KLRD1: variants seen among roughly 807,000 people sequenced by gnomAD.
KLRD1 encodes the protein natural killer cells antigen CD94.
A neutral mutation model predicts 22.6 loss-of-function variants in KLRD1; 21 were observed. The ratio of observed to expected loss-of-function variants is 0.93; its 90% CI spans 0.66 to 1.34. The LOEUF is 1.34. Among genes scored for constraint, KLRD1 ranks in the 40% most tolerant of loss-of-function variants. The pLI is 0.00. For missense variants in KLRD1, 183 were observed against 208.6 expected, an observed-to-expected ratio of 0.88 and a Z score of 0.76; for synonymous variants, 59 against 71.1, an observed-to-expected ratio of 0.83 and a Z score of 0.85.
At chr12:10,287,896 T>G (rs1313281466) in intron 1 of KLRD1, among the ~76,000 whole-genome samples, 1 of 151,848 alleles carries the variant, frequency 6.6e-6, no homozygotes, top group East Asian at 1.9e-4. Flanking sequence ...GGTGAAACCC[T>G]GTCTCTACTA....
intron 5 of KLRD1, among the ~76,000 whole-genome samples, chr12:10,313,730 T>G (rs896565459): frequency 1.3e-5 from 2 of 152,142 alleles, no homozygotes; most frequent in Non-Finnish European, 2.9e-5. Flanking sequence ...TAATGCCTAA[T>G]GAAAGGAGGT....
intron 1 of KLRD1, among the ~76,000 whole-genome samples, chr12:10,255,056 T>A (rs1279506180): frequency 7.5e-6 from 1 of 132,734 alleles, no homozygotes. Context: ...CTGTCTCACA[T>A]CAGTCAGAAT....
intron 1 of KLRD1, among the ~76,000 whole-genome samples, chr12:10,263,914 G>A (rs1290569537): frequency 2.0e-5 from 3 of 151,968 alleles, no homozygotes; most frequent in Admixed American, 1.3e-4. Context: ...TCCCAAATTG[G>A]GTTATTCCGT....
chr12:10,291,256 T>C (rs1949767751), intron 1 of KLRD1, among the ~76,000 whole-genome samples: 1 of 152,156 alleles, frequency 6.6e-6, no homozygotes, highest in Non-Finnish European at 1.5e-5. Context: ...ATCAGGGTGG[T>C]GGTTGTTGAA....
chr12:10,268,612 T>C (rs2137640428), intron 1 of KLRD1, among the ~76,000 whole-genome samples: 1 of 152,360 alleles, frequency 6.6e-6, no homozygotes, highest in Middle Eastern at 3.4e-3. Flanking sequence ...CATCTGCATA[T>C]AATTTCAGTC....
At chr12:10,281,540 T>C (rs1592053761) in intron 1 of KLRD1, among the ~76,000 whole-genome samples, 2 of 152,066 alleles carry the variant, frequency 1.3e-5, no homozygotes, top group African/African-American at 4.8e-5. Context: ...TCATTGCCCA[T>C]GTCAGGAGTT....
chr12:10,243,401 G>A (rs989099277), intron 1 of KLRD1, among the ~76,000 whole-genome samples: 2 of 151,804 alleles, frequency 1.3e-5, no homozygotes, highest in Non-Finnish European at 2.9e-5. Context: ...ATCACCTGAG[G>A]TCAGGAATTC....
chr12:10,268,598 G>A (rs528316963), intron 1 of KLRD1, among the ~76,000 whole-genome samples: 14 of 152,152 alleles, frequency 9.2e-5, no homozygotes, highest in East Asian at 7.7e-4. Flanking sequence ...ATAAGAAAGC[G>A]CGTCATCTGC....
intron 1 of KLRD1, among the ~76,000 whole-genome samples, chr12:10,284,271 C>G (rs1004133878): frequency 6.6e-6 from 1 of 152,158 alleles, no homozygotes; most frequent in Non-Finnish European, 1.5e-5. Context: ...TTACCTTGTC[C>G]AATCTATACA....
intron 1 of KLRD1, among the ~76,000 whole-genome samples, chr12:10,252,564 C>G (rs529199051): frequency 1.3e-5 from 2 of 152,130 alleles, no homozygotes; most frequent in African/African-American, 4.8e-5. Flanking sequence ...GTTAGTTCTT[C>G]TTCCCTCATG....
At chr12:10,271,948 G>A (rs545928581) in intron 1 of KLRD1, among the ~76,000 whole-genome samples, 7 of 152,184 alleles carry the variant, frequency 4.6e-5, no homozygotes, top group African/African-American at 1.4e-4. Context: ...TTAAGTTAAT[G>A]TATATAAAGT....
At chr12:10,266,489 T>G (rs1238377141) in intron 1 of KLRD1, among the ~76,000 whole-genome samples, 5 of 152,126 alleles carry the variant, frequency 3.3e-5, no homozygotes, top group Non-Finnish European at 5.9e-5. Context: ...CTGTTATACT[T>G]TTGATAATAT....
In KLRD1 at chr12:10,324,818, G is replaced by GTGTATATATATATATATGTA; in HGVS notation, c.*10026_*10027insGTATATATATATATATGTAT. 1 of 74,154 alleles carries GTGTATATATATATATATGTA rather than the reference G, an allele frequency of 1.3e-5. No homozygotes were observed. The highest frequency in any genetic ancestry group is 5.8e-4 in the East Asian group (1 of 1,730). 4.6% of individuals were successfully genotyped at this position (74,154 alleles called of 1,614,324 possible). A position where few individuals can be genotyped will look rare whatever the true frequency, so the allele number is the denominator to read the frequency against. On this transcript the variant is annotated 3_prime_UTR_variant, in exon 6 of 6. Transcript: ENST00000336164. The stretch of plus-strand genomic sequence containing the variant: ...AGTATATATGTATATGTGTGTGTGT[G>GTGTATATATATATATATGTA]TATATATATATATATATATATATAT...
Position 10,328,489 on chromosome 12 carries a change from A to G in KLRD1, c.*13696A>G, listed in dbSNP as rs1216890035. 1.3e-5 allele frequency: 2 copies of G among 151,996 alleles called. No homozygotes were observed. Among genetic ancestry groups the G allele is most frequent in the Non-Finnish European group, 2.9e-5 (2 of 68,012 alleles). 9.4% of individuals were successfully genotyped at this position (151,996 alleles called of 1,614,324 possible). On this transcript the variant is annotated 3_prime_UTR_variant, in exon 6 of 6. Transcript: ENST00000336164. Reference sequence around the variant, plus strand: ...TTACCATCTTTTATATTTCTGTGGCATCAGTTGCAATGTCTTATTTCTGAT... The same window carrying G: ...TTACCATCTTTTATATTTCTGTGGCGTCAGTTGCAATGTCTTATTTCTGAT...
chr12:10,239,461 C>T lies in KLRD1; in HGVS notation c.-101+13228C>T, dbSNP rs1485478836. ...TCCTTCCTTCCTTCCTTCCTTCCTTCCTTCCTTCCTTCCTTCCTTCCTTCT... is the reference window on the plus strand; with the variant it reads ...TCCTTCCTTCCTTCCTTCCTTCCTTTCTTCCTTCCTTCCTTCCTTCCTTCT... On this transcript the variant is annotated intron_variant, in intron 1 of 5. Coordinates refer to the KLRD1 transcript ENST00000544747. Among the ~76,000 whole-genome samples, 139 of 35,672 alleles carry T rather than the reference C, an allele frequency of 3.9e-3. 6 individuals carry two copies. Among genetic ancestry groups the T allele is most frequent in the East Asian group, 0.015 (18 of 1,200 alleles). 23.4% of individuals were successfully genotyped at this position (35,672 alleles called of 152,430 possible).
At chr12:10,272,225 A>G (rs1018003635) in intron 1 of KLRD1, among the ~76,000 whole-genome samples, 6 of 152,212 alleles carry the variant, frequency 3.9e-5, no homozygotes, top group Admixed American at 2.0e-4. Flanking sequence ...CTTCCACAAC[A>G]TATTGCATGT....
At chr12:10,268,142 TG>T (rs1949516449) in intron 1 of KLRD1, among the ~76,000 whole-genome samples, 2 of 152,164 alleles carry the variant, frequency 1.3e-5, no homozygotes, top group African/African-American at 4.8e-5. Flanking sequence ...TGGGGGTTTA[TG>T]GAGTAGACAG....
chr12:10,309,462 G>A lies in KLRD1; in HGVS notation c.82G>A (p.Gly28Arg). 6.6e-7 allele frequency: 1 copy of A among 1,520,324 alleles called. No homozygotes were observed. The allele number at this position is 1,520,324 out of a possible 1,614,324, so 94.2% of individuals were successfully genotyped here. Residue 28 changes from glycine to arginine, a missense_variant, in exon 2 of 6, where the codon GGA becomes AGA. Coordinates refer to ENST00000336164, the MANE Select transcript of KLRD1 (RefSeq NM_002262.5). ...ATGCCTTTCGTTGATGTCTACGTTGGGAATTTTGTTGAAAAATTGTAAGTT... is the reference window on the plus strand; with the variant it reads ...ATGCCTTTCGTTGATGTCTACGTTGAGAATTTTGTTGAAAAATTGTAAGTT... ...IICLSLMSTL[G>R]ILLKNSFTKL...
At chr12:10,293,481 G>C (rs1949795573) in intron 1 of KLRD1, among the ~76,000 whole-genome samples, 1 of 151,876 alleles carries the variant, frequency 6.6e-6, no homozygotes, top group African/African-American at 2.4e-5. Context: ...ACAATCGCTG[G>C]CCAGTGAAGC....
Sources: gnomAD v4.1 joint callset for allele counts (sites outside exome capture counted in the v4.1 genomes callset) on GRCh38, gnomAD v4.1.1 for gene constraint, MANE v1.5 for transcripts, NCBI Gene and HGNC (gene_info 2026-07-23, HGNC 2026-07-21) for gene names.